ICE1: variants seen among roughly 807,000 people sequenced by gnomAD.
ICE1 encodes interactor of little elongation complex ELL subunit 1.
In ICE1, 64 loss-of-function variants were observed where a neutral mutation model predicts 192.7. The observed-to-expected ratio is 0.33, with a 90% CI of 0.27 to 0.41. The LOEUF (loss-of-function observed/expected upper bound fraction) is 0.41. Ranked by LOEUF, ICE1 falls within the 10% of genes least tolerant of loss-of-function variation. The probability of loss-of-function intolerance (pLI) is 1.00; values close to 1 mark genes in which losing one functional copy is unlikely to be tolerated. For synonymous variants in ICE1, 1,010 were observed against 984.5 expected, an observed-to-expected ratio of 1.03 and a Z score of -0.49; for missense variants, 2,708 against 2,696.0, an observed-to-expected ratio of 1.00 and a Z score of -0.10.
intron 7 of ICE1, among the ~76,000 whole-genome samples, chr5:5,445,985 C>T (rs767775021): frequency 4.0e-5 from 6 of 151,792 alleles, no homozygotes; most frequent in Admixed American, 1.3e-4. Context: ...TCCCAAAGTG[C>T]TGGGATTACA....
At chr5:5,439,729 T>C (rs1171249800) in intron 3 of ICE1, among the ~76,000 whole-genome samples, 166 bp from the exon 4 acceptor site, 1 of 152,198 alleles carries the variant, frequency 6.6e-6, no homozygotes, top group Non-Finnish European at 1.5e-5. Flanking sequence ...GTAAAAAGAC[T>C]TACCACTGTG....
rs777564377 is a variant in ICE1 at position 5,464,787 on chromosome 5, A to G, written c.5453A>G (p.Asn1818Ser). ...GGGAGCAGCTCTGGTGGTGACTGTAACCAAGACAAGTCAAGAGATTTGGGG... is the reference window on the plus strand; with the variant it reads ...GGGAGCAGCTCTGGTGGTGACTGTAGCCAAGACAAGTCAAGAGATTTGGGG... ...KTGSSSGGDCNQDKSRDLGTQ... is the reference protein window; with the variant it reads ...KTGSSSGGDCSQDKSRDLGTQ... Residue 1818 changes from asparagine to serine, a missense_variant, in exon 13 of 19, where the codon AAC becomes AGC. Asn to Ser is a conservative substitution (Grantham distance 46). Transcript: ENST00000296564. This position sits in a 1 kb window ranked among gnomAD's most constrained non-coding sequence, Gnocchi z 4.0. 133 of 1,613,662 alleles carry G rather than the reference A, an allele frequency of 8.2e-5. No homozygotes were observed. The highest frequency in any genetic ancestry group is 1.1e-4 in the Non-Finnish European group (127 of 1,179,814).
chr5:5,432,091 G>T (rs114935028), intron 1 of ICE1, among the ~76,000 whole-genome samples: 3 of 151,818 alleles, frequency 2.0e-5, no homozygotes, highest in Non-Finnish European at 4.4e-5. Flanking sequence ...ATACAATTCA[G>T]TTCAATTCAC....
intron 1 of ICE1, among the ~76,000 whole-genome samples, chr5:5,433,726 G>T (rs1175785915): frequency 6.6e-6 from 1 of 152,194 alleles, no homozygotes; most frequent in African/African-American, 2.4e-5. Flanking sequence ...CTAAAATACT[G>T]GGAGTTAGGA....
rs1409033109 is a variant in ICE1, at chr5:5,422,871, C to T, written c.-45C>T. 3 of 1,264,892 alleles carry T rather than the reference C, an allele frequency of 2.4e-6. No homozygotes were observed. Among genetic ancestry groups the T allele is most frequent in the South Asian group, 2.4e-5 (1 of 41,748 alleles). The allele number at this position is 1,264,892 out of a possible 1,614,324, so 78.4% of individuals were successfully genotyped here. A position where few individuals can be genotyped will look rare whatever the true frequency, so the allele number is the denominator to read the frequency against. On this transcript the variant is annotated 5_prime_UTR_variant, in exon 1 of 19. Transcript: ENST00000296564. The stretch of plus-strand genomic sequence containing the variant: ...CAGAGACAGGACGGGGCCGACGCCG[C>T]GGGCCCCTGAGGCGTGCGTGCCCAC...
At chr5:5,425,448 A>G (rs139550352) in intron 1 of ICE1, among the ~76,000 whole-genome samples, 273 of 152,320 alleles carry the variant, frequency 1.8e-3, no homozygotes, top group African/African-American at 6.4e-3. Context: ...GTTCCATTGA[A>G]ACATTATAAA....
chr5:5,465,340 A>G, intron 13 of ICE1, 114 bp downstream of exon 13: 1 of 685,574 alleles, frequency 1.5e-6, no homozygotes, highest in East Asian at 2.7e-5. Context: ...TACTTCAAGG[A>G]TGAGAGTTAT....
At chr5:5,483,024 C>G (rs1739547379) in intron 17 of ICE1, among the ~76,000 whole-genome samples, 1 of 152,002 alleles carries the variant, frequency 6.6e-6, no homozygotes, top group African/African-American at 2.4e-5. Context: ...GAGTTTCGCT[C>G]TTGTTGCCCA....
At chr5:5,427,528 C>T (rs927229873) in intron 1 of ICE1, among the ~76,000 whole-genome samples, 1 of 152,170 alleles carries the variant, frequency 6.6e-6, no homozygotes. Context: ...TTGTTCATCT[C>T]ATGTATCTAG....
Position 5,422,903 on chromosome 5 carries a change from C to A in ICE1, c.-13C>A. On this transcript the variant is annotated 5_prime_UTR_variant, in exon 1 of 19. Coordinates refer to ENST00000296564, the MANE Select transcript of ICE1 (RefSeq NM_015325.3). ...CTGAGGCGTGCGTGCCCACCGGGCC[C>A]GGCGGCGGCACCATGATGCCGGGCG... is the stretch of plus-strand genomic sequence containing the variant. The A allele has an allele frequency of 7.2e-7, 1 of 1,382,072 alleles. No homozygotes were observed. Among genetic ancestry groups the A allele is most frequent in the Non-Finnish European group, 9.4e-7 (1 of 1,067,556 alleles). 85.6% of individuals were successfully genotyped at this position (1,382,072 alleles called of 1,614,324 possible).
chr5:5,469,523 T>C (rs1463745206), intron 15 of ICE1, among the ~76,000 whole-genome samples: 2 of 152,206 alleles, frequency 1.3e-5, no homozygotes, highest in African/African-American at 2.4e-5. Flanking sequence ...TCATTCATTT[T>C]ACCTAATGAG....
intron 1 of ICE1, among the ~76,000 whole-genome samples, chr5:5,433,379 GT>G (rs1371913233): frequency 6.6e-6 from 1 of 152,136 alleles, no homozygotes; most frequent in Non-Finnish European, 1.5e-5. Context: ...AAGAATCCAT[GT>G]TACTGATTCT....
At chr5:5,481,228 A>G (rs1455909714) in intron 17 of ICE1, among the ~76,000 whole-genome samples, 1 of 152,192 alleles carries the variant, frequency 6.6e-6, no homozygotes, top group Non-Finnish European at 1.5e-5. Context: ...GTTATCCTAG[A>G]TAATCTGTGG....
intron 17 of ICE1, among the ~76,000 whole-genome samples, chr5:5,485,043 G>C (rs1392059652): frequency 6.6e-6 from 1 of 151,944 alleles, no homozygotes; most frequent in South Asian, 2.1e-4. Flanking sequence ...GGAATGGGGG[G>C]AATGATGCCA....
chr5:5,465,874 A>C lies in ICE1; in HGVS notation c.5893-460A>C, dbSNP rs1394350689. On this transcript the variant is annotated intron_variant, in intron 13 of 18. Transcript: ENST00000296564. The stretch of plus-strand genomic sequence containing the variant: ...GTGAATGCATATATCAAATTATGTA[A>C]TGCTCCTCTTAGGACAAAAAATGTT... Among the ~76,000 whole-genome samples the C allele has an allele frequency of 3.3e-5, 5 of 152,326 alleles. No individual in the cohort carries two copies. The East Asian group carries it at 9.6e-4, about 29-fold the overall frequency.
At chr5:5,453,992 G>A (rs762494805) in intron 10 of ICE1, among the ~76,000 whole-genome samples, 2 of 152,086 alleles carry the variant, frequency 1.3e-5, no homozygotes. Context: ...ATGTTCATAC[G>A]CACACATTCC....
At position 5,441,212 on chromosome 5, in the gene ICE1, G is replaced by A. The variant is rs1738042914; in HGVS notation, c.298G>A (p.Glu100Lys). The part of the protein sequence containing the change: ...EELGSLKAEL[E>K]EKKSSLKLYQ... Reference sequence around the variant, plus strand: ...ACTGGGATCTTTAAAAGCAGAGCTAGAAGAGAAAAAGGTATGAACAATAAT... The same window carrying A: ...ACTGGGATCTTTAAAAGCAGAGCTAAAAGAGAAAAAGGTATGAACAATAAT... The change falls in exon 5 of 19, where the codon GAA (glutamate) becomes AAA (lysine). Residue 100 changes from glutamate to lysine, a missense_variant. Physicochemically the swap from Glu to Lys is moderately conservative, Grantham distance 56 (BLOSUM62 1). Transcript: ENST00000296564. 1.3e-6 allele frequency: 2 copies of A among 1,547,698 alleles called. No homozygotes were observed. Among genetic ancestry groups the A allele is most frequent in the South Asian group, 1.2e-5 (1 of 84,126 alleles).
In ICE1 at chr5:5,460,935, C is replaced by T; in HGVS notation, c.1601C>T (p.Pro534Leu). ...APGKSELCSSPLGKRPLNELM... is the reference protein window; with the variant it reads ...APGKSELCSSLLGKRPLNELM... ...GGGAAGTCTGAGTTGTGTTCTTCTCCCCTTGGCAAAAGGCCATTAAATGAA... is the reference window on the plus strand; with the variant it reads ...GGGAAGTCTGAGTTGTGTTCTTCTCTCCTTGGCAAAAGGCCATTAAATGAA... The change falls in exon 13 of 19, where the codon CCC becomes CTC. Residue 534 changes from proline to leucine, a missense_variant. Physicochemically the swap from Pro to Leu is moderately conservative, Grantham distance 98. Coordinates refer to ENST00000296564, the MANE Select transcript of ICE1 (RefSeq NM_015325.3). 6.2e-7 allele frequency: 1 copy of T among 1,613,960 alleles called. No individual in the cohort carries two copies. Among genetic ancestry groups the T allele is most frequent in the Non-Finnish European group, 8.5e-7 (1 of 1,179,894 alleles).
chr5:5,456,503 C>T (rs909908869), intron 11 of ICE1, among the ~76,000 whole-genome samples: 2 of 152,022 alleles, frequency 1.3e-5, no homozygotes, highest in Non-Finnish European at 2.9e-5. Flanking sequence ...TTATTTTATT[C>T]GTAAATAATA....
Sources: allele counts gnomAD v4.1 joint callset (sites outside exome capture counted in the v4.1 genomes callset), GRCh38; gene constraint gnomAD v4.1.1; non-coding constraint Gnocchi (gnomAD v3.1); transcripts MANE v1.5; gene names NCBI Gene and HGNC (gene_info 2026-07-23, HGNC 2026-07-21).